FAM241A: variants seen among roughly 807,000 people sequenced by gnomAD.
FAM241A encodes uncharacterized protein FAM241A.
Under a neutral mutation model 12.2 loss-of-function variants are expected in FAM241A, and 7 were observed. That is an observed-to-expected ratio of 0.58 (90% CI 0.33 to 1.08). The LOEUF is 1.08. Ranked by LOEUF, FAM241A falls within the 50% of genes least tolerant of loss-of-function variation. FAM241A has a pLI of 0.04. For synonymous variants in FAM241A, 74 were observed against 68.2 expected, an observed-to-expected ratio of 1.08 and a Z score of -0.42; for missense variants, 161 against 169.7, an observed-to-expected ratio of 0.95 and a Z score of 0.29.
In FAM241A at chr4:112,194,884, A is replaced by G. The variant is rs1052050691; in HGVS notation, c.*7946A>G. On this transcript the variant is annotated 3_prime_UTR_variant, in exon 2 of 2. Transcript: ENST00000309733. ...AACCTCCGCCTCCCAGGTTTAAGCA[A>G]TTCTCCTGTCTCAGCAGGAGTGGTT... 4 of 152,224 alleles carry G rather than the reference A, an allele frequency of 2.6e-5. No homozygotes were observed. The highest frequency in any genetic ancestry group is 9.7e-5 in the African/African-American group (4 of 41,440). The allele number at this position is 152,224 out of a possible 1,614,324, so 9.4% of individuals were successfully genotyped here. A position where few individuals can be genotyped will look rare whatever the true frequency, so the allele number is the denominator to read the frequency against.
At chr4:112,184,312 C>G (rs1723998893) in intron 1 of FAM241A, among the ~76,000 whole-genome samples, 1 of 152,170 alleles carries the variant, frequency 6.6e-6, no homozygotes, top group African/African-American at 2.4e-5. Flanking sequence ...GGTGGATCAC[C>G]TGAGGCCAGG....
intron 1 of FAM241A, among the ~76,000 whole-genome samples, chr4:112,173,552 A>T (rs1396305003): frequency 6.6e-6 from 1 of 152,198 alleles, no homozygotes; most frequent in Non-Finnish European, 1.5e-5. Context: ...GATAGTGAAG[A>T]AGGAGAAAAA....
chr4:112,187,748 A>G lies in FAM241A; in HGVS notation c.*810A>G, dbSNP rs1475273639. On this transcript the variant is annotated 3_prime_UTR_variant, in exon 2 of 2. Coordinates refer to ENST00000309733, the MANE Select transcript of FAM241A (RefSeq NM_152400.3). ...TCTAACAAGTTGCATATTTTTTCCT[A>G]GAGAGACATTTTCAGTGTATTTTTT... 2 of 152,188 alleles carry G rather than the reference A, an allele frequency of 1.3e-5. No homozygotes were observed. The allele number at this position is 152,188 out of a possible 1,614,324, so 9.4% of individuals were successfully genotyped here.
chr4:112,151,779 C>T (rs776641800), intron 1 of FAM241A, among the ~76,000 whole-genome samples: 5 of 152,192 alleles, frequency 3.3e-5, no homozygotes, highest in African/African-American at 7.2e-5. Context: ...CCCTAGGCCA[C>T]GTTATTTGCT....
chr4:112,174,572 A>G (rs184387538), intron 1 of FAM241A, among the ~76,000 whole-genome samples: 1 of 152,328 alleles, frequency 6.6e-6, no homozygotes, highest in Non-Finnish European at 1.5e-5. Context: ...GCTCCATAAT[A>G]TATCAAAACA....
In FAM241A at chr4:112,193,689, T is replaced by G. The variant is rs900436133; in HGVS notation, c.*6751T>G. The G allele has an allele frequency of 1.3e-5, 2 of 152,288 alleles. No individual in the cohort carries two copies. The highest frequency in any genetic ancestry group is 2.9e-5 in the Non-Finnish European group (2 of 68,092). 9.4% of individuals were successfully genotyped at this position (152,288 alleles called of 1,614,324 possible). On this transcript the variant is annotated 3_prime_UTR_variant, in exon 2 of 2. Transcript: ENST00000309733. ...GCGGCGTTATTTCTGAGGGCTCTTT[T>G]GTGTTCCATTGATCTATATCTCTGT...
chr4:112,176,250 C>T (rs1346539387), intron 1 of FAM241A, among the ~76,000 whole-genome samples: 3 of 152,146 alleles, frequency 2.0e-5, no homozygotes, highest in African/African-American at 7.2e-5. Flanking sequence ...CATTAATTAT[C>T]TCAGGCAGCA....
chr4:112,174,140 C>G (rs532721033), intron 1 of FAM241A, among the ~76,000 whole-genome samples: 25 of 152,256 alleles, frequency 1.6e-4, no homozygotes, highest in African/African-American at 5.5e-4. Flanking sequence ...CTGAGACAAC[C>G]AAGTCTCTCT....
intron 1 of FAM241A, among the ~76,000 whole-genome samples, chr4:112,183,368 T>G (rs951853692): frequency 2.0e-5 from 3 of 152,150 alleles, no homozygotes; most frequent in Admixed American, 2.0e-4. Context: ...GCTTCCAGTC[T>G]CAATCCCACC....
At chr4:112,171,579 G>T in intron 1 of FAM241A, 1 of 676,788 alleles carries the variant, frequency 1.5e-6, no homozygotes, top group Non-Finnish European at 2.7e-6. Context: ...TGAGTTTATG[G>T]CCGGGTGCGG....
In FAM241A at chr4:112,166,999, A is replaced by G. The variant is rs1037690288; in HGVS notation, c.154-19694A>G. ...CGTAGTGGCGGGCGCCTGTAGTCCC[A>G]GCTACTTGGGAGGCTGAGGCGGGAG... On this transcript the variant is annotated intron_variant, in intron 1 of 1. Transcript: ENST00000309733. Among the ~76,000 whole-genome samples, 4 of 107,654 alleles carry G rather than the reference A, an allele frequency of 3.7e-5. 2 individuals are homozygous for G. The highest frequency in any genetic ancestry group is 7.3e-5 in the Non-Finnish European group (4 of 54,824). 70.6% of individuals were successfully genotyped at this position (107,654 alleles called of 152,430 possible). A position where few individuals can be genotyped will look rare whatever the true frequency, so the allele number is the denominator to read the frequency against.
At chr4:112,154,181 A>C (rs1723304515) in intron 1 of FAM241A, among the ~76,000 whole-genome samples, 1 of 152,214 alleles carries the variant, frequency 6.6e-6, no homozygotes, top group Admixed American at 6.5e-5. Context: ...CAAATTGAGA[A>C]TTGAGAAGGA....
At chr4:112,165,122 C>T (rs1723567585) in intron 1 of FAM241A, among the ~76,000 whole-genome samples, 1 of 152,150 alleles carries the variant, frequency 6.6e-6, no homozygotes. Flanking sequence ...AAAAACAAGA[C>T]ATACAAATGG....
Position 112,172,102 on chromosome 4 carries a change from A to G in FAM241A, c.154-14591A>G, listed in dbSNP as rs533061393. Among the ~76,000 whole-genome samples, 3 of 152,332 alleles carry G rather than the reference A, an allele frequency of 2.0e-5. No individual in the cohort carries two copies. The South Asian group carries it at 6.2e-4, about 32-fold the overall frequency. ...TGAATGTGTCTAGATTCCACCAATT[A>G]CTAAGGGATCTTGACTAAATTACAT... On this transcript the variant is annotated intron_variant, in intron 1 of 1. Coordinates refer to ENST00000309733, the MANE Select transcript of FAM241A (RefSeq NM_152400.3).
chr4:112,153,460 C>T (rs1032707410), intron 1 of FAM241A, among the ~76,000 whole-genome samples: 7 of 152,170 alleles, frequency 4.6e-5, no homozygotes, highest in Non-Finnish European at 8.8e-5. Flanking sequence ...ATCTTATCTT[C>T]CAGTAACAGC....
At chr4:112,155,490 C>T (rs1339313933) in intron 1 of FAM241A, among the ~76,000 whole-genome samples, 1 of 151,566 alleles carries the variant, frequency 6.6e-6, no homozygotes, top group Non-Finnish European at 1.5e-5. Context: ...TTTTCATTTA[C>T]TGATAAGTGA....
At chr4:112,154,676 A>T (rs993304981) in intron 1 of FAM241A, among the ~76,000 whole-genome samples, 27 of 151,978 alleles carry the variant, frequency 1.8e-4, no homozygotes, top group Admixed American at 3.9e-4. Flanking sequence ...ATTTTTTTTT[A>T]AAAAAGTAGA....
intron 1 of FAM241A, among the ~76,000 whole-genome samples, chr4:112,170,883 T>C (rs1338686311): frequency 1.8e-5 from 2 of 110,858 alleles, no homozygotes; most frequent in Non-Finnish European, 2.1e-5. Flanking sequence ...CAGTTAAAAA[T>C]AGGAAAAAAA....
chr4:112,175,577 G>A (rs887100176), intron 1 of FAM241A, among the ~76,000 whole-genome samples: 19 of 152,062 alleles, frequency 1.2e-4, no homozygotes, highest in African/African-American at 3.9e-4. Context: ...AGACCAGCCT[G>A]GCCAACATGG....
Sources: allele counts gnomAD v4.1 joint callset (sites outside exome capture counted in the v4.1 genomes callset), GRCh38; gene constraint gnomAD v4.1.1; transcripts MANE v1.5; gene names NCBI Gene and HGNC (gene_info 2026-07-23, HGNC 2026-07-21).